Variants in SIN3B observed in about 807,000 individuals in gnomAD.
SIN3B encodes paired amphipathic helix protein Sin3b.
In SIN3B, 19 loss-of-function variants were observed where a neutral mutation model predicts 120.2. That is an observed-to-expected ratio of 0.16 (90% CI 0.11 to 0.23). The LOEUF (loss-of-function observed/expected upper bound fraction) is 0.23, where lower values mean the gene tolerates loss of function less well. Among genes scored for constraint, SIN3B ranks in the 10% least tolerant of loss-of-function variants. The pLI, the probability that SIN3B is intolerant of heterozygous loss-of-function variation, is 1.00. For synonymous variants in SIN3B, 654 were observed against 653.2 expected, an observed-to-expected ratio of 1.00 and a Z score of -0.02; for missense variants, 1,073 against 1,573.0, an observed-to-expected ratio of 0.68 and a Z score of 5.38.
intron 13 of SIN3B, among the ~76,000 whole-genome samples, 155 bp from the exon 14 acceptor site, chr19:16,871,074 G>A (rs1351312886): frequency 1.3e-5 from 2 of 152,260 alleles, no homozygotes; most frequent in South Asian, 2.1e-4. Flanking sequence ...AGCTACTCGG[G>A]TTTCCTGGTG....
At chr19:16,853,271 C>T in intron 7 of SIN3B, 113 bp downstream of exon 7, 1 of 949,810 alleles carries the variant, frequency 1.1e-6, no homozygotes, top group East Asian at 2.5e-5. Context: ...TGGGTGCAGT[C>T]TGAGGATGGA....
chr19:16,841,869 A>G lies in SIN3B; in HGVS notation c.483A>G (p.Glu161=), dbSNP rs773184905. The change falls in exon 4 of 19, where the codon GAA becomes GAG. Residue 161 remains glutamate (E), a synonymous_variant. Transcript: ENST00000248054. ...TGCCCCTGGAGTCCGATTCCGTGGAATTCAACAACGCCATCAGCTATGTGA... is the reference window on the plus strand; with the variant it reads ...TGCCCCTGGAGTCCGATTCCGTGGAGTTCAACAACGCCATCAGCTATGTGA... ...PQVPLESDSV[E]FNNAISYVNK... 1.9e-6 allele frequency: 3 copies of G among 1,614,172 alleles called. No individual in the cohort carries two copies. The highest frequency in any genetic ancestry group is 1.7e-5 in the Admixed American group (1 of 60,020).
In SIN3B at chr19:16,850,393, G is replaced by A. The variant is rs530044498; in HGVS notation, c.727-1019G>A. ...GTGTAACAAATACTTTTTACAAAGC[G>A]ACACACGGCATCCTATTTGTTCTGC... On this transcript the variant is annotated intron_variant, in intron 5 of 18. Transcript: ENST00000248054. 9.6e-4 allele frequency among the ~76,000 whole-genome samples: 146 copies of A among 152,094 alleles called. 1 individual carries two copies. The highest frequency in any genetic ancestry group is 3.4e-3 in the Middle Eastern group (1 of 294).
rs1219368058 is a variant in SIN3B at position 16,870,093 on chromosome 19, G to GCCGGGAGGCC, written c.2422+24_2422+33dup. Reference sequence around the variant, plus strand: ...GCAGCCCAGTAAGGCTCCAAAGCCTGCCGGGAGGCCCCGGGGGGTGCCTGG... The same window carrying GCCGGGAGGCC: ...GCAGCCCAGTAAGGCTCCAAAGCCTGCCGGGAGGCCCCGGGAGGCCCCGGGGGGTGCCTGG... On this transcript the variant is annotated intron_variant, in intron 13 of 18. Coordinates refer to ENST00000248054, the MANE Select transcript of SIN3B (RefSeq NM_001297595.2). 11 of 1,562,762 alleles carry GCCGGGAGGCC rather than the reference G, an allele frequency of 7.0e-6. No homozygotes were observed. Among genetic ancestry groups the GCCGGGAGGCC allele is most frequent in the Non-Finnish European group, 9.5e-6 (11 of 1,153,068 alleles).
intron 4 of SIN3B, 62 bp from the exon 5 acceptor site, chr19:16,846,908 C>T: frequency 6.4e-7 from 1 of 1,554,698 alleles, no homozygotes; most frequent in African/African-American, 1.3e-5. Flanking sequence ...CCTGAGTGTC[C>T]CGGCCCAGGG....
At chr19:16,839,953 G>A (rs191089268) in intron 3 of SIN3B, among the ~76,000 whole-genome samples, 329 of 152,190 alleles carry the variant, frequency 2.2e-3, no homozygotes, top group Non-Finnish European at 3.9e-3. Context: ...GCAGTGAGCC[G>A]GGATCATACC....
intron 5 of SIN3B, among the ~76,000 whole-genome samples, chr19:16,847,637 G>T (rs1018422625): frequency 6.6e-6 from 1 of 152,192 alleles, no homozygotes; most frequent in Non-Finnish European, 1.5e-5. Flanking sequence ...AGGGCTCAGG[G>T]CTCACCCTGC....
At chr19:16,853,898 G>T (rs1971578279) in intron 7 of SIN3B, among the ~76,000 whole-genome samples, 1 of 151,164 alleles carries the variant, frequency 6.6e-6, no homozygotes, top group Non-Finnish European at 1.5e-5. Context: ...ACGTGCCTGT[G>T]CTGTGTGAAT....
At chr19:16,877,482 G>A in intron 16 of SIN3B, 63 bp from the exon 17 acceptor site, 5 of 1,251,024 alleles carry the variant, frequency 4.0e-6, no homozygotes, top group Non-Finnish European at 5.7e-6. Context: ...TCAGAGTCCA[G>A]AGTAAGAGTG....
chr19:16,866,229 C>T, intron 11 of SIN3B, 144 bp from the exon 12 acceptor site: 2 of 726,998 alleles, frequency 2.8e-6, no homozygotes, highest in Non-Finnish European at 4.5e-6. Flanking sequence ...TGCACAGAGC[C>T]CACTGCACAG....
Position 16,855,377 on chromosome 19 carries a change from C to CT in SIN3B, c.1058+1116_1058+1117insT, listed in dbSNP as rs202235646. On this transcript the variant is annotated intron_variant, in intron 8 of 18. Coordinates refer to ENST00000248054, the MANE Select transcript of SIN3B (RefSeq NM_001297595.2). The stretch of plus-strand genomic sequence containing the variant: ...ACCCTCTGGGAGAAACCTTCCCCCC[C>CT]CCCCCCCCAGCAAAATTCCCTGGAG... 8 of 113,072 alleles carry CT rather than the reference C, an allele frequency of 7.1e-5. 1 individual carries two copies. Among genetic ancestry groups the CT allele is most frequent in the Admixed American group, 2.4e-4 (3 of 12,476 alleles). The allele number at this position is 113,072 out of a possible 1,614,324, so 7.0% of individuals were successfully genotyped here.
chr19:16,849,669 A>G lies in SIN3B; in HGVS notation c.727-1743A>G, dbSNP rs571860750. Among the ~76,000 whole-genome samples the G allele has an allele frequency of 8.5e-5, 13 of 152,336 alleles. No individual in the cohort carries two copies. In the South Asian group the frequency reaches 2.1e-3, roughly 24 times the overall value. On this transcript the variant is annotated intron_variant, in intron 5 of 18. Coordinates refer to ENST00000248054, the MANE Select transcript of SIN3B (RefSeq NM_001297595.2). ...TGTGAACTGTTGGGGAAGATCTGCT[A>G]TACCTGCTTGGTGAGCTTGGCTGGA...
intron 5 of SIN3B, among the ~76,000 whole-genome samples, chr19:16,847,955 T>A (rs1466761620): frequency 2.0e-5 from 3 of 152,164 alleles, no homozygotes; most frequent in Non-Finnish European, 4.4e-5. Flanking sequence ...CCTGTTTCTG[T>A]GGATTTGATT....
chr19:16,856,262 C>T (rs911086205), intron 8 of SIN3B, among the ~76,000 whole-genome samples: 1 of 152,054 alleles, frequency 6.6e-6, no homozygotes, highest in Non-Finnish European at 1.5e-5. Flanking sequence ...AGTAGGCGGG[C>T]CTGTGAGTGC....
chr19:16,870,114 C>T, intron 13 of SIN3B, 39 bp downstream of exon 13: 4 of 1,517,636 alleles, frequency 2.6e-6, no homozygotes, highest in Non-Finnish European at 3.5e-6. Flanking sequence ...CCGGGGGGTG[C>T]CTGGGGTTAG....
At chr19:16,866,140 T>C (rs554386292) in intron 11 of SIN3B, among the ~76,000 whole-genome samples, 35 of 152,272 alleles carry the variant, frequency 2.3e-4, no homozygotes, top group African/African-American at 8.2e-4. Flanking sequence ...CGGAGAGTGC[T>C]GGGTGCCAGG....
At chr19:16,865,185 G>C (rs920825137) in intron 10 of SIN3B, 4 of 530,570 alleles carry the variant, frequency 7.5e-6, no homozygotes, top group Non-Finnish European at 1.0e-5. Context: ...TCCTAGCTAC[G>C]TGGGAGGCTA....
rs1014255017 is a variant in SIN3B, at chr19:16,831,480, G to A, written c.228-14G>A. ...TCCCAAGACCCTTTTGCCCACTTCC[G>A]TTGTTTCTTCTAGCATCGATACTCC... On this transcript the variant is annotated splice_polypyrimidine_tract_variant and intron_variant, in intron 2 of 18. Transcript: ENST00000248054. The A allele has an allele frequency of 4.3e-6, 7 of 1,611,124 alleles. No homozygotes were observed. The highest frequency in any genetic ancestry group is 4.5e-5 in the East Asian group (2 of 44,724).
chr19:16,836,286 A>C (rs2144576774), intron 3 of SIN3B, among the ~76,000 whole-genome samples: 1 of 152,308 alleles, frequency 6.6e-6, no homozygotes, highest in Non-Finnish European at 1.5e-5. Flanking sequence ...GGTTGAGAAC[A>C]CGAGTCTAAA....
Sources: allele counts gnomAD v4.1 joint callset (sites outside exome capture counted in the v4.1 genomes callset), GRCh38; gene constraint gnomAD v4.1.1; transcripts MANE v1.5; gene names NCBI Gene and HGNC (gene_info 2026-07-23, HGNC 2026-07-21).